The following KDM1B variants were observed in gnomAD, a reference collection of about 807,000 sequenced individuals.
The protein encoded by KDM1B is lysine demethylase 1B.
Under a neutral mutation model 107.4 loss-of-function variants are expected in KDM1B, and 63 were observed. The ratio of observed to expected loss-of-function variants is 0.59; its 90% CI spans 0.48 to 0.72. The LOEUF (loss-of-function observed/expected upper bound fraction) is 0.72, where lower values mean the gene tolerates loss of function less well. Ranked by LOEUF, KDM1B falls within the 30% of genes least tolerant of loss-of-function variation. The probability of loss-of-function intolerance (pLI) is 0.00; values close to 1 mark genes in which losing one functional copy is unlikely to be tolerated. For missense variants in KDM1B, 749 were observed against 1,020.8 expected (o/e 0.73, Z 3.63); for synonymous variants, 363 against 363.9 (o/e 1.00, Z 0.03).
At chr6:18,174,710 T>C (rs1023512223) in intron 7 of KDM1B, among the ~76,000 whole-genome samples, 1 of 151,822 alleles carries the variant, frequency 6.6e-6, no homozygotes, top group Non-Finnish European at 1.5e-5. Context: ...GAACATATGG[T>C]GTTTGGTTTT....
In KDM1B at chr6:18,162,656, G is replaced by C. The variant is rs1382318851; in HGVS notation, c.216-179G>C. 6.6e-6 allele frequency among the ~76,000 whole-genome samples: 1 copy of C among 152,166 alleles called. No individual in the cohort carries two copies. The highest frequency in any genetic ancestry group is 2.4e-5 in the African/African-American group (1 of 41,432). ...GTTAGGTCCCATGGCCTAAGTCCCT[G>C]CATCCTTCCTGTGTGTTATTATCTA... On this transcript the variant is annotated intron_variant, in intron 4 of 21. Transcript: ENST00000650836. The surrounding 1 kb of genome is among the most constrained non-coding windows in gnomAD (Gnocchi z 4.1).
At chr6:18,163,635 T>C (rs1319685682) in intron 5 of KDM1B, among the ~76,000 whole-genome samples, 1 of 152,244 alleles carries the variant, frequency 6.6e-6, no homozygotes, top group African/African-American at 2.4e-5. Flanking sequence ...TTTAATTTAG[T>C]TCAAAATATT....
rs1233030178 is a variant in KDM1B at position 18,172,944 on chromosome 6, G to T, written c.534+1465G>T. The stretch of plus-strand genomic sequence containing the variant: ...GTCTCTAGTAAAAATATAAAAATTA[G>T]CCCAGTGTGGTGGCATGTGCTTGTA... On this transcript the variant is annotated intron_variant, in intron 7 of 21. Coordinates refer to ENST00000650836, the MANE Select transcript of KDM1B (RefSeq NM_001364614.2). The surrounding 1 kb of genome is among the most constrained non-coding windows in gnomAD (Gnocchi z 5.2). Among the ~76,000 whole-genome samples the T allele has an allele frequency of 1.3e-5, 2 of 151,914 alleles. No individual in the cohort carries two copies. The highest frequency in any genetic ancestry group is 2.9e-5 in the Non-Finnish European group (2 of 68,000).
At chr6:18,181,016 T>G (rs1283808245) in intron 7 of KDM1B, among the ~76,000 whole-genome samples, 1 of 152,266 alleles carries the variant, frequency 6.6e-6, no homozygotes, top group Non-Finnish European at 1.5e-5. Context: ...TTTTTGTTTT[T>G]TAAATTTTTT....
chr6:18,196,417 G>A (rs1262051589), intron 10 of KDM1B, among the ~76,000 whole-genome samples: 1 of 152,126 alleles, frequency 6.6e-6, no homozygotes, highest in Non-Finnish European at 1.5e-5. Context: ...CTTCCATAAT[G>A]ACTGTACTAA....
At chr6:18,217,448 G>T (rs1459939959) in intron 20 of KDM1B, among the ~76,000 whole-genome samples, 1 of 149,450 alleles carries the variant, frequency 6.7e-6, no homozygotes, top group South Asian at 2.1e-4. Flanking sequence ...GCGCGATCTC[G>T]GCTCACTGCA....
In KDM1B at chr6:18,215,134, G is replaced by T. The variant is rs756481098; in HGVS notation, c.2232+5G>T. The T allele has an allele frequency of 4.3e-6, 7 of 1,610,256 alleles. No individual in the cohort carries two copies. In the East Asian group the frequency reaches 1.3e-4, roughly 31 times the overall value. On this transcript the variant is annotated splice_donor_5th_base_variant and intron_variant, in intron 20 of 21. Coordinates refer to ENST00000650836, the MANE Select transcript of KDM1B (RefSeq NM_001364614.2). Reference sequence around the variant, plus strand: ...CGGGAGCTGTTCAAGGAGCAGGTGAGAGAGAGGAAGCCCTCCTTGAAAGGG... The same window carrying T: ...CGGGAGCTGTTCAAGGAGCAGGTGATAGAGAGGAAGCCCTCCTTGAAAGGG...
chr6:18,175,605 C>T (rs1023705923), intron 7 of KDM1B, among the ~76,000 whole-genome samples: 2 of 152,156 alleles, frequency 1.3e-5, no homozygotes, highest in Admixed American at 6.6e-5. Flanking sequence ...TTTGTAGTTT[C>T]AGGTCCTAGA....
chr6:18,187,353 T>G (rs764099), intron 8 of KDM1B, among the ~76,000 whole-genome samples: 10,421 of 152,252 alleles, frequency 0.068, 496 homozygotes, highest in East Asian at 0.17. Flanking sequence ...GGAGCATTAT[T>G]TTTTATGCCC....
chr6:18,189,589 C>G (rs1373823153), intron 9 of KDM1B, among the ~76,000 whole-genome samples: 1 of 152,074 alleles, frequency 6.6e-6, no homozygotes, highest in Non-Finnish European at 1.5e-5. Context: ...AATATACAGC[C>G]ATTGAATGCA....
intron 6 of KDM1B, among the ~76,000 whole-genome samples, chr6:18,168,181 G>T (rs2150806076): frequency 6.6e-6 from 1 of 152,286 alleles, no homozygotes; most frequent in South Asian, 2.1e-4. Flanking sequence ...CAGTTCAGTG[G>T]CACTTAGTAT....
Position 18,222,021 on chromosome 6 carries a change from A to T in KDM1B, c.*29A>T, listed in dbSNP as rs748030040. On this transcript the variant is annotated 3_prime_UTR_variant, in exon 22 of 22. Coordinates refer to ENST00000650836, the MANE Select transcript of KDM1B (RefSeq NM_001364614.2). ...TTCGGTGGACCCAGCTTTCTTCTGT[A>T]CCCCAGATGGGGAAATTTGAATCAC... 1.3e-5 allele frequency: 20 copies of T among 1,596,910 alleles called. No homozygotes were observed. Among genetic ancestry groups the T allele is most frequent in the Non-Finnish European group, 1.7e-5 (20 of 1,164,380 alleles).
At chr6:18,220,820 G>A (rs1789649734) in intron 21 of KDM1B, among the ~76,000 whole-genome samples, 1 of 150,648 alleles carries the variant, frequency 6.6e-6, no homozygotes, top group Non-Finnish European at 1.5e-5. Flanking sequence ...CGCACAGGCT[G>A]GAGTGCAGTG....
rs1240953314 is a variant in KDM1B, at chr6:18,211,332, ACTGC to A, written c.1867-1155_1867-1152del. On this transcript the variant is annotated intron_variant, in intron 17 of 21. Transcript: ENST00000650836. This position sits in a 1 kb window ranked among gnomAD's most constrained non-coding sequence, Gnocchi z 5.2. ...CTCTGATCCTAGGGTGTCATCCTGT[ACTGC>A]AGATATTAGAAAGCAAATACACACA... Among the ~76,000 whole-genome samples the A allele has an allele frequency of 6.6e-6, 1 of 152,052 alleles. No homozygotes were observed. The highest frequency in any genetic ancestry group is 2.4e-5 in the African/African-American group (1 of 41,394).
At chr6:18,187,264 T>C (rs1786928903) in intron 8 of KDM1B, among the ~76,000 whole-genome samples, 1 of 152,208 alleles carries the variant, frequency 6.6e-6, no homozygotes, top group African/African-American at 2.4e-5. Flanking sequence ...TGGCGTCTTA[T>C]TTTGATGTTT....
In KDM1B at chr6:18,201,760, A is replaced by G. The variant is rs372634061; in HGVS notation, c.1531+103A>G. ...ATTTGCGAGGTCGGATGTCGGCAAC[A>G]GGGTAGCCCTCCTGAGCATTTCTTT... On this transcript the variant is annotated intron_variant, in intron 14 of 21. Coordinates refer to ENST00000650836, the MANE Select transcript of KDM1B (RefSeq NM_001364614.2). This position sits in a 1 kb window ranked among gnomAD's most constrained non-coding sequence, Gnocchi z 4.3. 1.0e-6 allele frequency: 1 copy of G among 961,176 alleles called. No homozygotes were observed. The highest frequency in any genetic ancestry group is 1.7e-5 in the African/African-American group (1 of 60,442). 59.5% of individuals were successfully genotyped at this position (961,176 alleles called of 1,614,324 possible).
chr6:18,159,977 A>G lies in KDM1B; in HGVS notation c.82A>G (p.Arg28Gly). 1 of 1,596,732 alleles carries G rather than the reference A, an allele frequency of 6.3e-7. No individual in the cohort carries two copies. Among genetic ancestry groups the G allele is most frequent in the Admixed American group, 1.8e-5 (1 of 56,170 alleles). Residue 28 changes from arginine to glycine, a missense_variant, in exon 3 of 22, where the codon AGG becomes GGG. Transcript: ENST00000650836. This position sits in a 1 kb window ranked among gnomAD's most constrained non-coding sequence, Gnocchi z 4.5. ...PDSLPLRSSG[R>G]QAKKKATETT... Reference sequence around the variant, plus strand: ...TAGCCTTCCTTTGAGGAGCTCCGGTAGGCAGGTAGTGTTCATTTATTCATT... The same window carrying G: ...TAGCCTTCCTTTGAGGAGCTCCGGTGGGCAGGTAGTGTTCATTTATTCATT...
Position 18,213,920 on chromosome 6 carries a change from C to A in KDM1B, c.2109+139C>A. The A allele has an allele frequency of 1.1e-6, 1 of 921,450 alleles. No individual in the cohort carries two copies. Among genetic ancestry groups the A allele is most frequent in the Non-Finnish European group, 1.7e-6 (1 of 602,898 alleles). The allele number at this position is 921,450 out of a possible 1,614,324, so 57.1% of individuals were successfully genotyped here. On this transcript the variant is annotated intron_variant, in intron 19 of 21. Transcript: ENST00000650836. The surrounding 1 kb of genome is among the most constrained non-coding windows in gnomAD (Gnocchi z 5.9). ...TCTATGTTTATATTCTGGGAGGACACTTGGACTGGACATTTTCCTATAGGA... is the reference window on the plus strand; with the variant it reads ...TCTATGTTTATATTCTGGGAGGACAATTGGACTGGACATTTTCCTATAGGA...
In KDM1B at chr6:18,201,409, T is replaced by C. The variant is rs576271222; in HGVS notation, c.1360-77T>C. 2.5e-5 allele frequency: 27 copies of C among 1,060,126 alleles called. No homozygotes were observed. The East Asian group carries it at 7.0e-4, about 28-fold the overall frequency. The allele number at this position is 1,060,126 out of a possible 1,614,324, so 65.7% of individuals were successfully genotyped here. The stretch of plus-strand genomic sequence containing the variant: ...GACCATTTTCTCCATGAGAGCTCTG[T>C]CTGATTTTCAGCTTAGAACCTGTAA... On this transcript the variant is annotated intron_variant, in intron 13 of 21. Coordinates refer to ENST00000650836, the MANE Select transcript of KDM1B (RefSeq NM_001364614.2). The surrounding 1 kb of genome is among the most constrained non-coding windows in gnomAD (Gnocchi z 4.3).
Sources: gnomAD v4.1 joint callset for allele counts (sites outside exome capture counted in the v4.1 genomes callset) on GRCh38, gnomAD v4.1.1 for gene constraint, Gnocchi (gnomAD v3.1) non-coding constraint, MANE v1.5 for transcripts, NCBI Gene and HGNC (gene_info 2026-07-23, HGNC 2026-07-21) for gene names.